HTR4: variants seen among roughly 807,000 people sequenced by gnomAD.
The protein encoded by HTR4 is 5-hydroxytryptamine (serotonin) receptor 4, G protein-coupled.
HTR4 carries 16 observed loss-of-function variants against 36.8 expected under a neutral mutation model. The ratio of observed to expected loss-of-function variants is 0.43; its 90% CI spans 0.29 to 0.66. The LOEUF is 0.66. HTR4 is among the 30% of genes least tolerant of loss of function. The pLI is 0.13. For missense variants in HTR4, 438 were observed against 490.9 expected, an observed-to-expected ratio of 0.89 and a Z score of 1.02; for synonymous variants, 189 against 185.1, an observed-to-expected ratio of 1.02 and a Z score of -0.17.
At chr5:148,522,306 A>T (rs1461258215) in intron 5 of HTR4, among the ~76,000 whole-genome samples, 1 of 152,188 alleles carries the variant, frequency 6.6e-6, no homozygotes, top group Admixed American at 6.5e-5. Flanking sequence ...GACTCTCCAC[A>T]TAAAATGGAA....
chr5:148,575,864 A>G (rs13358322), intron 2 of HTR4, among the ~76,000 whole-genome samples: 2,304 of 152,068 alleles, frequency 0.015, 63 homozygotes, highest in African/African-American at 0.052. Context: ...ATGCAACATA[A>G]TATTGGAAGT....
chr5:148,475,680 C>T (rs1755678313), downstream of HTR4, among the ~76,000 whole-genome samples: 1 of 152,214 alleles, frequency 6.6e-6, no homozygotes, highest in Admixed American at 6.5e-5. Context: ...CACTTCCCCG[C>T]TCCTGGTTTC....
chr5:148,625,924 T>C (rs1753086436), intron 2 of HTR4, among the ~76,000 whole-genome samples: 1 of 152,142 alleles, frequency 6.6e-6, no homozygotes, highest in Non-Finnish European at 1.5e-5. Context: ...CCTTTTGTTT[T>C]TTCATTTTGT....
At chr5:148,572,018 T>A (rs2113882634) in intron 2 of HTR4, among the ~76,000 whole-genome samples, 1 of 152,256 alleles carries the variant, frequency 6.6e-6, no homozygotes, top group Non-Finnish European at 1.5e-5. Flanking sequence ...AAGGTAGAAA[T>A]GTTTCTATGT....
chr5:148,562,909 A>G (rs1222556793), intron 2 of HTR4, among the ~76,000 whole-genome samples: 1 of 152,098 alleles, frequency 6.6e-6, no homozygotes, highest in Non-Finnish European at 1.5e-5. Context: ...CTACTACATC[A>G]TGCTTCACTT....
chr5:148,524,883 G>C (rs2113800346), intron 4 of HTR4, among the ~76,000 whole-genome samples: 1 of 152,316 alleles, frequency 6.6e-6, no homozygotes, highest in South Asian at 2.1e-4. Flanking sequence ...GGTTGAGAGA[G>C]AGGGTGGAAT....
intron 2 of HTR4, among the ~76,000 whole-genome samples, chr5:148,600,290 A>G (rs1381940296): frequency 6.8e-6 from 1 of 147,960 alleles, no homozygotes; most frequent in Admixed American, 6.8e-5. Context: ...ATATACATAT[A>G]TAAACACATA....
rs562418104 is a variant in HTR4, at chr5:148,572,076, A to C, written c.27-21814T>G. ...AATTAATTTTGTGGTTAGCTTGAAA[A>C]TAAATGGTGGGCTCTAATATGCAAC... On this transcript the variant is annotated intron_variant, in intron 2 of 6. Transcript: ENST00000377888. 1.2e-4 allele frequency among the ~76,000 whole-genome samples: 19 copies of C among 152,242 alleles called. 1 individual carries two copies. Among genetic ancestry groups the C allele is most frequent in the Admixed American group, 1.2e-3 (18 of 15,266 alleles).
At chr5:148,466,868 G>C (rs1755443235) in intron 5 of HTR4, among the ~76,000 whole-genome samples, 1 of 152,102 alleles carries the variant, frequency 6.6e-6, no homozygotes. Flanking sequence ...TATTTCATTA[G>C]CCTGATGATA....
intron 2 of HTR4, among the ~76,000 whole-genome samples, chr5:148,583,422 C>A (rs1761223369): frequency 6.6e-6 from 1 of 150,848 alleles, no homozygotes; most frequent in Admixed American, 6.6e-5. Context: ...TACCCTAAAA[C>A]TTAAAGTATA....
intron 5 of HTR4, among the ~76,000 whole-genome samples, chr5:148,519,197 G>A (rs1273900101): frequency 6.6e-6 from 1 of 152,160 alleles, no homozygotes; most frequent in Non-Finnish European, 1.5e-5. Flanking sequence ...TGAAACATGT[G>A]AAGAATTTAG....
chr5:148,483,650 A>G (rs1307299858), intron 6 of HTR4, among the ~76,000 whole-genome samples: 1 of 152,158 alleles, frequency 6.6e-6, no homozygotes, highest in Non-Finnish European at 1.5e-5. Context: ...ATTATATATT[A>G]TAGTTTCCAG....
At position 148,490,186 on chromosome 5, in the gene HTR4, T is replaced by A. The variant is rs964487557; in HGVS notation, c.1077-6893A>T. Among the ~76,000 whole-genome samples, 3 of 148,250 alleles carry A rather than the reference T, an allele frequency of 2.0e-5. No individual in the cohort carries two copies. The South Asian group carries it at 6.3e-4, about 31-fold the overall frequency. On this transcript the variant is annotated intron_variant, in intron 6 of 6. Transcript: ENST00000377888. Reference sequence around the variant, plus strand: ...ATATACATATACATATATATGTATGTGTGTGTGTATATATATACATATATA... The same window carrying A: ...ATATACATATACATATATATGTATGAGTGTGTGTATATATATACATATATA...
intron 2 of HTR4, among the ~76,000 whole-genome samples, chr5:148,628,140 G>A (rs1753188846): frequency 6.6e-6 from 1 of 152,162 alleles, no homozygotes; most frequent in Non-Finnish European, 1.5e-5. Flanking sequence ...TATCTGCTAG[G>A]CCTTCAGTTT....
At chr5:148,575,984 C>T (rs1258781254) in intron 2 of HTR4, among the ~76,000 whole-genome samples, 2 of 151,228 alleles carry the variant, frequency 1.3e-5, no homozygotes, top group Admixed American at 6.6e-5. Flanking sequence ...TCTAGAAAAC[C>T]CCACAGTCTC....
chr5:148,622,880 T>C (rs1752965076), intron 2 of HTR4, among the ~76,000 whole-genome samples: 1 of 152,178 alleles, frequency 6.6e-6, no homozygotes, highest in Non-Finnish European at 1.5e-5. Flanking sequence ...TTATTAATAG[T>C]TGGTGAATAT....
intron 4 of HTR4, 44 bp from the exon 5 acceptor site, chr5:148,523,390 G>A (rs776982804): frequency 2.7e-6 from 4 of 1,506,716 alleles, no homozygotes; most frequent in Admixed American, 2.2e-5. Context: ...GGGCAAGGAG[G>A]AATGGGAGGG....
exon 6 of HTR4, chr5:148,451,043 C>A: frequency 7.1e-7 from 1 of 1,416,412 alleles, no homozygotes. Flanking sequence ...CAACACTGTC[C>A]TCCATGTACC....
intron 5 of HTR4, among the ~76,000 whole-genome samples, chr5:148,460,681 A>G (rs1755252326): frequency 1.3e-5 from 2 of 152,164 alleles, no homozygotes; most frequent in African/African-American, 4.8e-5. Context: ...TAAATAGGCC[A>G]GATTCTCAGT....
Sources: gnomAD v4.1 joint callset for allele counts (sites outside exome capture counted in the v4.1 genomes callset) on GRCh38, gnomAD v4.1.1 for gene constraint, MANE v1.5 for transcripts, NCBI Gene and HGNC (gene_info 2026-07-23, HGNC 2026-07-21) for gene names.